ASAP1: variants seen among roughly 807,000 people sequenced by gnomAD.
ASAP1 encodes the protein arf-GAP with SH3 domain, ANK repeat and PH domain-containing protein 1.
A neutral mutation model predicts 145.2 loss-of-function variants in ASAP1; 43 were observed. The observed-to-expected ratio is 0.30, with a 90% CI of 0.23 to 0.38. The LOEUF (loss-of-function observed/expected upper bound fraction) is 0.38. Ranked by LOEUF, ASAP1 falls within the 10% of genes least tolerant of loss-of-function variation. ASAP1 has a pLI of 1.00. For synonymous variants in ASAP1, 546 were observed against 515.5 expected (o/e 1.06, Z -0.80); for missense variants, 1,018 against 1,355.3 (o/e 0.75, Z 3.91).
intron 4 of ASAP1, among the ~76,000 whole-genome samples, chr8:130,217,560 A>ACACACACAC (rs1565100713): frequency 4.6e-5 from 7 of 151,716 alleles, no homozygotes; most frequent in African/African-American, 1.7e-4. Context: ...ACACACACAC[A>ACACACACAC]GATCTTTTCC....
At chr8:130,275,548 A>C (rs996475286) in intron 3 of ASAP1, among the ~76,000 whole-genome samples, 3 of 152,230 alleles carry the variant, frequency 2.0e-5, no homozygotes, top group Admixed American at 6.5e-5. Flanking sequence ...ACAGGAGCTA[A>C]GAAGTGAAAA....
chr8:130,265,797 G>C (rs1168290266), intron 3 of ASAP1, among the ~76,000 whole-genome samples: 1 of 152,024 alleles, frequency 6.6e-6, no homozygotes, highest in African/African-American at 2.4e-5. Context: ...ATATCATCTG[G>C]GCCTGGGAGG....
intron 3 of ASAP1, among the ~76,000 whole-genome samples, chr8:130,331,043 C>T (rs1824654159): frequency 6.6e-6 from 1 of 152,002 alleles, no homozygotes. Flanking sequence ...CTCAGTTCCC[C>T]CAGCTGCAAA....
Position 130,064,555 on chromosome 8 carries a change from C to T in ASAP1, c.2702-3486G>A, listed in dbSNP as rs189486734. Among the ~76,000 whole-genome samples, 436 of 152,244 alleles carry T rather than the reference C, an allele frequency of 2.9e-3. 4 individuals are homozygous for T. Among genetic ancestry groups the T allele is most frequent in the African/African-American group, 0.01 (420 of 41,530 alleles). ...TGCTCCTCTAACCGTGCTTTTCCCT[C>T]TACTCTCACACCACAACAATCATCA... On this transcript the variant is annotated intron_variant, in intron 27 of 29. Transcript: ENST00000518721.
At chr8:130,432,840 C>A (rs1001082853) in intron 1 of ASAP1, among the ~76,000 whole-genome samples, 3 of 152,208 alleles carry the variant, frequency 2.0e-5, no homozygotes, top group Admixed American at 2.0e-4. Flanking sequence ...GTTGCCCACA[C>A]CTAACCCAAT....
intron 3 of ASAP1, among the ~76,000 whole-genome samples, chr8:130,253,422 T>G (rs1819324007): frequency 6.6e-6 from 1 of 152,200 alleles, no homozygotes; most frequent in Non-Finnish European, 1.5e-5. Context: ...CGCTTTGATT[T>G]TTTTCCCCAA....
chr8:130,326,118 T>C (rs1295531986), intron 3 of ASAP1, among the ~76,000 whole-genome samples: 1 of 152,204 alleles, frequency 6.6e-6, no homozygotes, highest in Non-Finnish European at 1.5e-5. Flanking sequence ...AGAGGGTTGC[T>C]GGAAATCAGA....
chr8:130,117,011 A>T lies in ASAP1; in HGVS notation c.1881-16T>A. On this transcript the variant is annotated splice_polypyrimidine_tract_variant and intron_variant, in intron 20 of 29. Transcript: ENST00000518721. ...CAGGTTCCCACTGAAAAATTAGATG[A>T]TGATTAGAAAAAAATGACTTACTTT... 6.4e-7 allele frequency: 1 copy of T among 1,565,968 alleles called. No individual in the cohort carries two copies.
chr8:130,348,535 G>A (rs1397536706), intron 3 of ASAP1, among the ~76,000 whole-genome samples: 1 of 152,180 alleles, frequency 6.6e-6, no homozygotes, highest in Non-Finnish European at 1.5e-5. Context: ...AGGGCTGTGG[G>A]CTGGAAAGAG....
intron 15 of ASAP1, among the ~76,000 whole-genome samples, chr8:130,133,484 G>A (rs1024256158): frequency 4.6e-5 from 7 of 151,416 alleles, no homozygotes; most frequent in East Asian, 1.9e-4. Context: ...GTGAAACCCC[G>A]TCTCTACTAA....
chr8:130,334,817 C>G (rs936045677), intron 3 of ASAP1, among the ~76,000 whole-genome samples: 1 of 152,176 alleles, frequency 6.6e-6, no homozygotes. Context: ...ATACCAACAG[C>G]TCTCCATTTA....
chr8:130,233,404 A>C (rs1447623036), intron 4 of ASAP1, among the ~76,000 whole-genome samples: 2 of 152,172 alleles, frequency 1.3e-5, no homozygotes, highest in Non-Finnish European at 2.9e-5. Flanking sequence ...ACCTGTAAAG[A>C]GCAAAGCTGG....
intron 3 of ASAP1, among the ~76,000 whole-genome samples, chr8:130,286,503 T>C (rs1278297915): frequency 6.6e-6 from 1 of 152,172 alleles, no homozygotes; most frequent in African/African-American, 2.4e-5. Context: ...ACAGAGGGTG[T>C]CTGAAGGCCA....
intron 1 of ASAP1, among the ~76,000 whole-genome samples, chr8:130,417,014 C>T (rs140794060): frequency 2.5e-4 from 38 of 152,354 alleles, no homozygotes; most frequent in African/African-American, 7.7e-4. Context: ...TTTGCATACA[C>T]GCATATGGAC....
At chr8:130,209,167 T>C (rs1228668081) in intron 5 of ASAP1, among the ~76,000 whole-genome samples, 3 of 151,972 alleles carry the variant, frequency 2.0e-5, no homozygotes, top group Non-Finnish European at 4.4e-5. Context: ...TTACAATATT[T>C]TTCACATGAA....
rs34680836 is a variant in ASAP1, at chr8:130,123,927, CAAAAAAAAAAAA to C, written c.1607+74_1607+85del. On this transcript the variant is annotated intron_variant, in intron 18 of 29. Coordinates refer to ENST00000518721, the MANE Select transcript of ASAP1 (RefSeq NM_018482.4). Reference sequence around the variant, plus strand: ...ACAGGCGTGAGCCACTGCACCCAGCCAAAAAAAAAAAAAGAAGTTTTTTGGAAGGGTAGAAAA... The same window carrying C: ...ACAGGCGTGAGCCACTGCACCCAGCCAGAAGTTTTTTGGAAGGGTAGAAAA... 3.5e-6 allele frequency: 3 copies of C among 855,542 alleles called. No individual in the cohort carries two copies. The Admixed American group carries it at 8.4e-5, about 24-fold the overall frequency. 53.0% of individuals were successfully genotyped at this position (855,542 alleles called of 1,614,324 possible).
chr8:130,243,547 C>G (rs1470049356), intron 3 of ASAP1, among the ~76,000 whole-genome samples: 6 of 152,118 alleles, frequency 3.9e-5, no homozygotes, highest in Non-Finnish European at 7.4e-5. Flanking sequence ...CGTGACCCAG[C>G]CTTCTGCCCT....
At chr8:130,150,813 G>T (rs2097644523) in intron 13 of ASAP1, among the ~76,000 whole-genome samples, 1 of 152,172 alleles carries the variant, frequency 6.6e-6, no homozygotes, top group Non-Finnish European at 1.5e-5. Context: ...CCAGGATGCA[G>T]AGGTTGCAGT....
chr8:130,177,053 GGA>G (rs1393397284), intron 9 of ASAP1, among the ~76,000 whole-genome samples: 1 of 152,152 alleles, frequency 6.6e-6, no homozygotes, highest in East Asian at 1.9e-4. Flanking sequence ...GATTAATAAT[GGA>G]TCTGACTTAC....
Sources: allele counts gnomAD v4.1 joint callset (sites outside exome capture counted in the v4.1 genomes callset), GRCh38; gene constraint gnomAD v4.1.1; transcripts MANE v1.5; gene names NCBI Gene and HGNC (gene_info 2026-07-23, HGNC 2026-07-21).